The following STK3 variants were observed in gnomAD, a reference collection of about 807,000 sequenced individuals.
STK3 encodes the protein serine/threonine-protein kinase 3.
A neutral mutation model predicts 58.0 loss-of-function variants in STK3; 41 were observed. The observed-to-expected ratio is 0.71, with a 90% CI of 0.55 to 0.92. The LOEUF (loss-of-function observed/expected upper bound fraction) is 0.92, where lower values mean the gene tolerates loss of function less well. Among genes scored for constraint, STK3 ranks in the 40% least tolerant of loss-of-function variants. The probability of loss-of-function intolerance (pLI) is 0.00; values close to 1 mark genes in which losing one functional copy is unlikely to be tolerated. For synonymous variants in STK3, 170 were observed against 191.0 expected (o/e 0.89, Z 0.91); for missense variants, 479 against 602.7 (o/e 0.79, Z 2.15).
rs541085062 is a variant in STK3 at position 98,650,776 on chromosome 8, G to T, written c.685-54607C>A. On this transcript the variant is annotated intron_variant, in intron 6 of 10. Coordinates refer to ENST00000419617, the MANE Select transcript of STK3 (RefSeq NM_006281.4). ...TGAGATCAAACTGCAAGGTGGCAGCGAGGCTGGGGGAGGGGCGCCTGCCAT... is the reference window on the plus strand; with the variant it reads ...TGAGATCAAACTGCAAGGTGGCAGCTAGGCTGGGGGAGGGGCGCCTGCCAT... Among the ~76,000 whole-genome samples the T allele has an allele frequency of 7.5e-4, 115 of 152,346 alleles. 1 individual carries two copies. The highest frequency in any genetic ancestry group is 2.7e-3 in the African/African-American group (114 of 41,578).
intron 1 of STK3, among the ~76,000 whole-genome samples, chr8:98,380,649 T>C (rs1399426273): frequency 2.0e-5 from 3 of 152,236 alleles, no homozygotes; most frequent in African/African-American, 7.2e-5. Flanking sequence ...TTACCTGTTT[T>C]CCTCAGACCC....
rs191031618 is a variant in STK3, at chr8:98,627,405, T to C, written c.685-31236A>G. On this transcript the variant is annotated intron_variant, in intron 6 of 10. Transcript: ENST00000419617. ...GGCATGTGCCTGTAATCCCAGCTAC[T>C]TGGGAGGCTGAGACAGGAAAATCGC... Among the ~76,000 whole-genome samples the C allele has an allele frequency of 8.4e-3, 1,266 of 151,224 alleles. 10 individuals are homozygous for C. Among genetic ancestry groups the C allele is most frequent in the African/African-American group, 0.029 (1,192 of 41,158 alleles).
At chr8:98,761,758 G>C (rs1830631067) in intron 3 of STK3, among the ~76,000 whole-genome samples, 1 of 152,186 alleles carries the variant, frequency 6.6e-6, no homozygotes, top group African/African-American at 2.4e-5. Context: ...AGTTCAAATT[G>C]CTGATACAAA....
At chr8:98,464,961 G>A (rs1586627225) in intron 10 of STK3, among the ~76,000 whole-genome samples, 1 of 152,150 alleles carries the variant, frequency 6.6e-6, no homozygotes, top group Non-Finnish European at 1.5e-5. Flanking sequence ...AAACTACCAT[G>A]AATCATTCTG....
intron 1 of STK3, among the ~76,000 whole-genome samples, chr8:98,815,174 A>T (rs1564027685): frequency 6.6e-6 from 1 of 152,244 alleles, no homozygotes. Flanking sequence ...GTCTGCTCTG[A>T]ATAGTCTATA....
At position 98,589,737 on chromosome 8, in the gene STK3, A is replaced by T. The variant is rs541674788; in HGVS notation, c.822+6295T>A. On this transcript the variant is annotated intron_variant, in intron 7 of 10. Transcript: ENST00000419617. ...CAGTTTGATCTCAGACTGCTGTGCTAGCAATCAGCGAGACTCCGTGGGCAT... is the reference window on the plus strand; with the variant it reads ...CAGTTTGATCTCAGACTGCTGTGCTTGCAATCAGCGAGACTCCGTGGGCAT... Among the ~76,000 whole-genome samples, 4 of 152,278 alleles carry T rather than the reference A, an allele frequency of 2.6e-5. No individual in the cohort carries two copies. In the East Asian group the frequency reaches 7.7e-4, roughly 29 times the overall value.
At chr8:98,660,250 T>C (rs1428145644) in intron 6 of STK3, among the ~76,000 whole-genome samples, 1 of 152,010 alleles carries the variant, frequency 6.6e-6, no homozygotes, top group Non-Finnish European at 1.5e-5. Context: ...AGAATGGTAG[T>C]TACCAAGGGC....
intron 3 of STK3, among the ~76,000 whole-genome samples, chr8:98,757,233 T>C (rs1212496255): frequency 6.6e-6 from 1 of 150,812 alleles, no homozygotes; most frequent in Non-Finnish European, 1.5e-5. Flanking sequence ...CAGGCTAGAG[T>C]GCATTGGCGC....
At chr8:98,381,824 CA>C (rs748227186) in intron 1 of STK3, among the ~76,000 whole-genome samples, 1 of 152,182 alleles carries the variant, frequency 6.6e-6, no homozygotes, top group Non-Finnish European at 1.5e-5. Context: ...GTGCTTGCAG[CA>C]AACTTGAGGC....
chr8:98,751,431 A>C (rs1370553676), intron 3 of STK3, among the ~76,000 whole-genome samples: 2 of 152,224 alleles, frequency 1.3e-5, no homozygotes, highest in African/African-American at 4.8e-5. Context: ...AGCAATGTGC[A>C]AAAATCCCTA....
intron 3 of STK3, among the ~76,000 whole-genome samples, chr8:98,418,158 G>A (rs140297815): frequency 1.7e-4 from 26 of 152,244 alleles, no homozygotes; most frequent in African/African-American, 4.8e-4. Flanking sequence ...GTGATTTTCC[G>A]ACCCTGGCCT....
intron 4 of STK3, among the ~76,000 whole-genome samples, chr8:98,743,058 C>G (rs1829347291): frequency 6.6e-6 from 1 of 151,862 alleles, no homozygotes; most frequent in Non-Finnish European, 1.5e-5. Context: ...GAACTACAAA[C>G]CACTGCTCAA....
chr8:98,767,239 A>G lies in STK3; in HGVS notation c.236+4T>C. The stretch of plus-strand genomic sequence containing the variant: ...GTAAGCAAAGAAATAAAATCTCTTC[A>G]TACCTGTCACATTGCTGCATTATGG... On this transcript the variant is annotated splice_donor_region_variant and intron_variant, in intron 3 of 10. Transcript: ENST00000419617. 2 of 1,602,354 alleles carry G rather than the reference A, an allele frequency of 1.2e-6. No homozygotes were observed. Among genetic ancestry groups the G allele is most frequent in the South Asian group, 1.1e-5 (1 of 88,708 alleles).
chr8:98,859,280 T>C (rs1836836273), intron 3 of STK3, among the ~76,000 whole-genome samples: 1 of 152,232 alleles, frequency 6.6e-6, no homozygotes, highest in African/African-American at 2.4e-5. Context: ...TGGTTTATTA[T>C]GTTTTGGAAA....
intron 6 of STK3, among the ~76,000 whole-genome samples, chr8:98,608,080 T>C (rs961109208): frequency 2.0e-5 from 3 of 152,190 alleles, no homozygotes; most frequent in African/African-American, 4.8e-5. Context: ...TAGAAAATTA[T>C]CACTGTTGAA....
chr8:98,649,785 T>A (rs373512019), intron 6 of STK3, among the ~76,000 whole-genome samples: 1 of 152,202 alleles, frequency 6.6e-6, no homozygotes, highest in East Asian at 1.9e-4. Flanking sequence ...TTAAACAATT[T>A]TTGGTAAAAG....
chr8:98,743,081 G>C (rs1230920617), intron 4 of STK3, among the ~76,000 whole-genome samples: 1 of 151,918 alleles, frequency 6.6e-6, no homozygotes, highest in Non-Finnish European at 1.5e-5. Flanking sequence ...AAATAAAAGA[G>C]GATACAAAGA....
chr8:98,518,053 G>A (rs753638326), intron 10 of STK3, among the ~76,000 whole-genome samples: 1 of 152,024 alleles, frequency 6.6e-6, no homozygotes. Context: ...ATTTTAAAAA[G>A]AGCAAACTAC....
chr8:98,442,574 GCTGAAGCTGA>G (rs1242616602), intron 1 of STK3, among the ~76,000 whole-genome samples: 2 of 152,218 alleles, frequency 1.3e-5, no homozygotes, highest in African/African-American at 4.8e-5. Context: ...CTGCATGTGT[GCTGAAGCTGA>G]CTGAGCACTT....
Sources: gnomAD v4.1 joint callset for allele counts (sites outside exome capture counted in the v4.1 genomes callset) on GRCh38, gnomAD v4.1.1 for gene constraint, MANE v1.5 for transcripts, NCBI Gene and HGNC (gene_info 2026-07-23, HGNC 2026-07-21) for gene names.